XRCC4: variants seen among roughly 807,000 people sequenced by gnomAD.
The protein encoded by XRCC4 is DNA repair protein XRCC4.
A neutral mutation model predicts 39.1 loss-of-function variants in XRCC4; 28 were observed. The ratio of observed to expected loss-of-function variants is 0.72; its 90% confidence interval spans 0.53 to 0.98. The LOEUF (loss-of-function observed/expected upper bound fraction) is 0.98. XRCC4 is among the 50% of genes least tolerant of loss of function. The pLI is 0.00. For missense variants in XRCC4, 350 were observed against 376.4 expected, an observed-to-expected ratio of 0.93 and a Z score of 0.58; for synonymous variants, 123 against 126.4, an observed-to-expected ratio of 0.97 and a Z score of 0.18.
chr5:83,334,098 T>G (rs1756520976), intron 7 of XRCC4, among the ~76,000 whole-genome samples: 1 of 152,166 alleles, frequency 6.6e-6, no homozygotes, highest in Admixed American at 6.6e-5. Flanking sequence ...AGGTTTATAT[T>G]TATAGGAACA....
At chr5:83,130,666 A>G (rs528052155) in intron 3 of XRCC4, among the ~76,000 whole-genome samples, 1 of 152,270 alleles carries the variant, frequency 6.6e-6, no homozygotes, top group African/African-American at 2.4e-5. Flanking sequence ...TGGTCTATTC[A>G]GGGATTCAGC....
At chr5:83,144,194 A>G (rs1748321646) in intron 3 of XRCC4, among the ~76,000 whole-genome samples, 1 of 151,814 alleles carries the variant, frequency 6.6e-6, no homozygotes, top group Non-Finnish European at 1.5e-5. Context: ...ACTTAGAATA[A>G]TGACCTCCAG....
intron 6 of XRCC4, among the ~76,000 whole-genome samples, chr5:83,249,726 A>AATCG (rs397709911): frequency 7.6e-4 from 116 of 152,084 alleles, no homozygotes; most frequent in African/African-American, 2.6e-3. Flanking sequence ...CCAGATAATC[A>AATCG]TGCCAATAAT....
chr5:83,333,116 GA>G lies in XRCC4; in HGVS notation c.894-20005del, dbSNP rs544453092. On this transcript the variant is annotated intron_variant, in intron 7 of 7. Coordinates refer to ENST00000396027, the MANE Select transcript of XRCC4 (RefSeq NM_003401.5). ...CAACAGAATTTTGAATATTGAACTTGAAAAAAAAAATACTTGGAGGGAAACT... is the reference window on the plus strand; with the variant it reads ...CAACAGAATTTTGAATATTGAACTTGAAAAAAAAATACTTGGAGGGAAACT... 3.4e-4 allele frequency among the ~76,000 whole-genome samples: 51 copies of G among 148,512 alleles called. No individual in the cohort carries two copies. In the East Asian group the frequency reaches 3.9e-3, roughly 11 times the overall value.
At chr5:83,113,432 G>A (rs961202127) in intron 3 of XRCC4, among the ~76,000 whole-genome samples, 1 of 152,122 alleles carries the variant, frequency 6.6e-6, no homozygotes, top group Non-Finnish European at 1.5e-5. Context: ...GCAAGCTGTC[G>A]GTGGATCTAC....
rs542086689 is a variant in XRCC4, at chr5:83,116,766, T to C, written c.315+5563T>C. ...TCTCCTGAGTAGCTGGGATTACAGG[T>C]GCATGTCACCATGCCCAGCTGATTT... is the stretch of plus-strand genomic sequence containing the variant. On this transcript the variant is annotated intron_variant, in intron 3 of 7. Transcript: ENST00000396027. Among the ~76,000 whole-genome samples the C allele has an allele frequency of 3.9e-5, 6 of 151,920 alleles. No homozygotes were observed. In the East Asian group the frequency reaches 1.2e-3, roughly 30 times the overall value.
rs536133244 is a variant in XRCC4, at chr5:83,258,250, T to C, written c.746-280T>C. 2.0e-5 allele frequency among the ~76,000 whole-genome samples: 3 copies of C among 152,202 alleles called. No homozygotes were observed. In the East Asian group the frequency reaches 5.8e-4, roughly 29 times the overall value. On this transcript the variant is annotated intron_variant, in intron 6 of 7. Transcript: ENST00000396027. ...TTTCTAGTTACAATCCTAATAAAAA[T>C]ACTATCTCCATTAAATCTCCAAGAA... is the stretch of plus-strand genomic sequence containing the variant.
chr5:83,355,727 C>A (rs1757182678), downstream of XRCC4, among the ~76,000 whole-genome samples: 4 of 152,214 alleles, frequency 2.6e-5, no homozygotes, highest in South Asian at 8.3e-4. Context: ...GCAACCTCTG[C>A]CTCCCTGGTT....
intron 7 of XRCC4, among the ~76,000 whole-genome samples, chr5:83,324,341 C>G (rs1371855477): frequency 6.6e-6 from 1 of 152,084 alleles, no homozygotes; most frequent in Non-Finnish European, 1.5e-5. Flanking sequence ...GATCCATCTA[C>G]CTTTCAGGCA....
intron 3 of XRCC4, among the ~76,000 whole-genome samples, chr5:83,152,416 G>A (rs1181951077): frequency 1.3e-5 from 2 of 151,978 alleles, no homozygotes; most frequent in African/African-American, 2.4e-5. Flanking sequence ...GGTGGATCAC[G>A]AGGTCAGGGA....
chr5:83,189,395 G>A (rs868577962), intron 3 of XRCC4, among the ~76,000 whole-genome samples: 3 of 151,972 alleles, frequency 2.0e-5, no homozygotes, highest in African/African-American at 4.8e-5. Context: ...ATCGTATAGC[G>A]TAGCCTTAAA....
chr5:83,251,463 G>T (rs996546602), intron 6 of XRCC4, among the ~76,000 whole-genome samples: 3 of 146,664 alleles, frequency 2.0e-5, no homozygotes, highest in Non-Finnish European at 4.4e-5. Context: ...GGTGGAGGTT[G>T]CAGTGAGCTG....
intron 3 of XRCC4, among the ~76,000 whole-genome samples, chr5:83,111,692 T>A (rs1280722265): frequency 6.6e-6 from 1 of 152,130 alleles, no homozygotes; most frequent in Non-Finnish European, 1.5e-5. Flanking sequence ...TTTAAAAATA[T>A]TAAAATAGAA....
intron 7 of XRCC4, among the ~76,000 whole-genome samples, chr5:83,298,319 AT>A (rs759639411): frequency 1.3e-5 from 2 of 151,300 alleles, no homozygotes; most frequent in Non-Finnish European, 3.0e-5. Flanking sequence ...TGTTATTAAG[AT>A]TTTCTGCTTT....
intron 7 of XRCC4, among the ~76,000 whole-genome samples, chr5:83,326,019 C>T (rs562823992): frequency 5.2e-4 from 79 of 151,748 alleles, no homozygotes; most frequent in Middle Eastern, 3.4e-3. Flanking sequence ...GAGATGGTAT[C>T]TCATATGTTA....
chr5:83,370,216 G>A, the XRCC4 span, among the ~76,000 whole-genome samples: 2 of 152,072 alleles, frequency 1.3e-5, no homozygotes, highest in African/African-American at 4.8e-5. Flanking sequence ...TTGAGAACTA[G>A]ACAATGTAGT....
intron 6 of XRCC4, among the ~76,000 whole-genome samples, chr5:83,234,268 C>T (rs1002040059): frequency 1.4e-4 from 22 of 152,180 alleles, no homozygotes; most frequent in African/African-American, 4.8e-4. Flanking sequence ...TATTGCCATC[C>T]GAATAATTTT....
Position 83,175,963 on chromosome 5 carries a change from G to T in XRCC4, c.316-19807G>T, listed in dbSNP as rs751773279. On this transcript the variant is annotated intron_variant, in intron 3 of 7. Coordinates refer to ENST00000396027, the MANE Select transcript of XRCC4 (RefSeq NM_003401.5). Reference sequence around the variant, plus strand: ...CAACATAATGAGACCAGGAGTTCAAGATTACAGTGAGCTATGATTCCACCA... The same window carrying T: ...CAACATAATGAGACCAGGAGTTCAATATTACAGTGAGCTATGATTCCACCA... Among the ~76,000 whole-genome samples the T allele has an allele frequency of 1.1e-4, 16 of 152,208 alleles. No homozygotes were observed. In the South Asian group the frequency reaches 3.3e-3, roughly 32 times the overall value.
At chr5:83,268,057 A>T (rs1038660795) in intron 7 of XRCC4, among the ~76,000 whole-genome samples, 1 of 152,196 alleles carries the variant, frequency 6.6e-6, no homozygotes, top group Non-Finnish European at 1.5e-5. Flanking sequence ...GAAACCATAT[A>T]TTGGATGGAA....
Sources: gnomAD v4.1 joint callset for allele counts (sites outside exome capture counted in the v4.1 genomes callset) on GRCh38, gnomAD v4.1.1 for gene constraint, MANE v1.5 for transcripts, NCBI Gene and HGNC (gene_info 2026-07-23, HGNC 2026-07-21) for gene names.